Variants in CMKLR2 observed in about 807,000 individuals in gnomAD.
CMKLR2 encodes chemerin chemokine-like receptor 2.
Under a neutral mutation model 23.0 loss-of-function variants are expected in CMKLR2, and 18 were observed. The ratio of observed to expected loss-of-function variants is 0.78; its 90% confidence interval spans 0.54 to 1.16. The LOEUF is 1.16. CMKLR2 is among the 50% of genes most tolerant of loss of function. The probability of loss-of-function intolerance (pLI) is 0.00; values close to 1 mark genes in which losing one functional copy is unlikely to be tolerated. For synonymous variants in CMKLR2, 158 were observed against 158.9 expected (o/e 0.99, Z 0.05); for missense variants, 401 against 412.7 (o/e 0.97, Z 0.25).
chr2:206,187,958 C>T (rs571695691), intron 1 of CMKLR2, among the ~76,000 whole-genome samples: 157 of 152,052 alleles, frequency 1.0e-3, no homozygotes, highest in Non-Finnish European at 1.8e-3. Context: ...AGTGGAGTGG[C>T]GCAATCTTGG....
At chr2:206,190,518 T>C (rs1688717567) in intron 1 of CMKLR2, among the ~76,000 whole-genome samples, 1 of 152,084 alleles carries the variant, frequency 6.6e-6, no homozygotes, top group African/African-American at 2.4e-5. Flanking sequence ...AGTGAGAGAA[T>C]TGAGATGAGG....
At chr2:206,185,874 C>T (rs1007689739) in intron 1 of CMKLR2, among the ~76,000 whole-genome samples, 1 of 152,160 alleles carries the variant, frequency 6.6e-6, no homozygotes, top group African/African-American at 2.4e-5. Context: ...AGGCCTTATA[C>T]ATCCCCTTTC....
chr2:206,183,188 T>C (rs968614868), intron 1 of CMKLR2, among the ~76,000 whole-genome samples: 12 of 152,310 alleles, frequency 7.9e-5, no homozygotes, highest in Admixed American at 5.2e-4. Context: ...CTTTAGGCTG[T>C]TAGCAATTCA....
At chr2:206,177,719 T>C (rs961682053) in intron 1 of CMKLR2, among the ~76,000 whole-genome samples, 2 of 152,188 alleles carry the variant, frequency 1.3e-5, no homozygotes, top group Admixed American at 1.3e-4. Flanking sequence ...GACTTGTGGT[T>C]ATACTCCATA....
At chr2:206,206,063 T>G (rs1689306332) in intron 1 of CMKLR2, among the ~76,000 whole-genome samples, 1 of 152,150 alleles carries the variant, frequency 6.6e-6, no homozygotes, top group Admixed American at 6.6e-5. Flanking sequence ...AAATACACCC[T>G]TCCCCATTCA....
intron 1 of CMKLR2, among the ~76,000 whole-genome samples, chr2:206,192,703 A>G (rs1199672857): frequency 6.6e-6 from 1 of 152,048 alleles, no homozygotes; most frequent in Non-Finnish European, 1.5e-5. Context: ...GGAAAGAATC[A>G]CAATGTAACG....
chr2:206,194,597 G>A (rs574776943), intron 1 of CMKLR2, among the ~76,000 whole-genome samples: 9 of 150,242 alleles, frequency 6.0e-5, no homozygotes, highest in Admixed American at 4.0e-4. Flanking sequence ...AGCCACGCCC[G>A]GCTAATTTTT....
upstream of CMKLR2, among the ~76,000 whole-genome samples, chr2:206,217,068 C>G (rs1689777524): frequency 6.6e-6 from 1 of 152,054 alleles, no homozygotes; most frequent in Middle Eastern, 3.4e-3. Context: ...TGTCAGTGAT[C>G]ATTCTAATCT....
intron 1 of CMKLR2, among the ~76,000 whole-genome samples, chr2:206,207,789 C>T (rs1376113522): frequency 9.0e-6 from 1 of 110,646 alleles, no homozygotes; most frequent in Non-Finnish European, 1.7e-5. Context: ...GTTGCCTGGG[C>T]TAGAGTACAA....
At chr2:206,204,446 A>G (rs181700986) in intron 1 of CMKLR2, among the ~76,000 whole-genome samples, 20 of 152,144 alleles carry the variant, frequency 1.3e-4, no homozygotes, top group Non-Finnish European at 2.6e-4. Context: ...CACATGACTT[A>G]CATGACTTTG....
upstream of CMKLR2, chr2:206,213,784 A>G (rs1009119711): frequency 1.3e-5 from 2 of 152,240 alleles, no homozygotes; most frequent in African/African-American, 4.8e-5. Context: ...ACTTTCTGTG[A>G]TTCAGTGTGT....
chr2:206,194,158 C>T lies in CMKLR2; in HGVS notation c.-28-16883G>A, dbSNP rs78476872. Among the ~76,000 whole-genome samples, 689 of 152,214 alleles carry T rather than the reference C, an allele frequency of 4.5e-3. 6 individuals carry two copies. Among genetic ancestry groups the T allele is most frequent in the Non-Finnish European group, 8.3e-3 (567 of 68,024 alleles). On this transcript the variant is annotated intron_variant, in intron 1 of 1. Coordinates refer to ENST00000621141, the MANE Select transcript of CMKLR2 (RefSeq NM_001389445.1). ...ATTATCCGGAGAGGTAATACATGAA[C>T]TCAATGAAGGGGAGGGAAGGGAAAC... is the stretch of plus-strand genomic sequence containing the variant.
At chr2:206,205,785 C>T (rs1476418616) in intron 1 of CMKLR2, among the ~76,000 whole-genome samples, 1 of 151,888 alleles carries the variant, frequency 6.6e-6, no homozygotes, top group African/African-American at 2.4e-5. Context: ...CCGCAACCTC[C>T]ACCTCCCAGG....
intron 1 of CMKLR2, 99 bp from the exon 2 acceptor site, chr2:206,177,374 G>T: frequency 3.2e-6 from 2 of 631,574 alleles, no homozygotes; most frequent in Non-Finnish European, 5.5e-6. Flanking sequence ...TTCAGGTTAT[G>T]GACCAGACAT....
intron 1 of CMKLR2, among the ~76,000 whole-genome samples, chr2:206,205,212 C>G (rs890513526): frequency 6.6e-6 from 1 of 152,172 alleles, no homozygotes; most frequent in African/African-American, 2.4e-5. Flanking sequence ...AAACAGGTCT[C>G]TATTTTCAAA....
At chr2:206,210,441 T>C (rs1689516724) in intron 1 of CMKLR2, among the ~76,000 whole-genome samples, 1 of 150,380 alleles carries the variant, frequency 6.6e-6, no homozygotes, top group South Asian at 2.1e-4. Context: ...CTATTGTGAA[T>C]AGCAAATAGC....
intron 1 of CMKLR2, among the ~76,000 whole-genome samples, chr2:206,199,632 G>C (rs1456155657): frequency 1.4e-5 from 2 of 146,326 alleles, no homozygotes; most frequent in Non-Finnish European, 3.0e-5. Context: ...CTCTTGCTCT[G>C]TCTCCCAGGC....
At chr2:206,179,814 A>G (rs1688355189) in intron 1 of CMKLR2, among the ~76,000 whole-genome samples, 1 of 152,186 alleles carries the variant, frequency 6.6e-6, no homozygotes, top group Non-Finnish European at 1.5e-5. Flanking sequence ...TATTCATTTC[A>G]TGGAGTTACA....
intron 1 of CMKLR2, among the ~76,000 whole-genome samples, chr2:206,185,723 C>A (rs975055954): frequency 2.6e-5 from 4 of 152,102 alleles, no homozygotes; most frequent in African/African-American, 4.8e-5. Flanking sequence ...CCAGAGATGA[C>A]GGTGGCTTGG....
Sources: gnomAD v4.1 joint callset for allele counts (sites outside exome capture counted in the v4.1 genomes callset) on GRCh38, gnomAD v4.1.1 for gene constraint, MANE v1.5 for transcripts, NCBI Gene and HGNC (gene_info 2026-07-23, HGNC 2026-07-21) for gene names.